Variants in PAK5 observed in about 807,000 individuals in gnomAD.
PAK5 encodes the protein p21 (RAC1) activated kinase 5, also known as serine/threonine-protein kinase PAK 5.
In PAK5, 16 loss-of-function variants were observed where a neutral mutation model predicts 65.9. That is an observed-to-expected ratio of 0.24 (90% confidence interval 0.16 to 0.37). The LOEUF is 0.37. Ranked by LOEUF, PAK5 falls within the 10% of genes least tolerant of loss-of-function variation. The pLI, the probability that PAK5 is intolerant of heterozygous loss-of-function variation, is 1.00. For synonymous variants in PAK5, 371 were observed against 354.9 expected, an observed-to-expected ratio of 1.05 and a Z score of -0.51; for missense variants, 785 against 903.9, an observed-to-expected ratio of 0.87 and a Z score of 1.69.
chr20:9,766,356 AAT>A (rs201007922), intron 1 of PAK5, among the ~76,000 whole-genome samples: 3,509 of 42,334 alleles, frequency 0.083, 731 homozygotes, highest in East Asian at 0.2. Flanking sequence ...TACTTACTTG[AAT>A]ATATATATAT....
intron 1 of PAK5, among the ~76,000 whole-genome samples, chr20:9,781,510 C>T (rs577199308): frequency 6.6e-6 from 1 of 152,258 alleles, no homozygotes; most frequent in South Asian, 2.1e-4. Flanking sequence ...GACATCTTTT[C>T]CCACACTGAG....
intron 2 of PAK5, among the ~76,000 whole-genome samples, chr20:9,702,173 G>C (rs2047948087): frequency 6.6e-6 from 1 of 152,102 alleles, no homozygotes; most frequent in Non-Finnish European, 1.5e-5. Context: ...GGAATATGAT[G>C]ATAACAACAC....
chr20:9,699,553 GT>G (rs34450464), intron 2 of PAK5, among the ~76,000 whole-genome samples: 15,358 of 138,502 alleles, frequency 0.11, 788 homozygotes, highest in Non-Finnish European at 0.13. Context: ...TTTGCTTCTT[GT>G]TTTTTTTTTT....
chr20:9,657,115 G>A (rs576404692), intron 2 of PAK5, among the ~76,000 whole-genome samples: 1 of 152,264 alleles, frequency 6.6e-6, no homozygotes, highest in South Asian at 2.1e-4. Context: ...CCACAAAGAT[G>A]TGCTATACTT....
intron 1 of PAK5, among the ~76,000 whole-genome samples, chr20:9,804,125 A>G (rs982905895): frequency 2.0e-5 from 3 of 152,110 alleles, no homozygotes; most frequent in African/African-American, 7.2e-5. Flanking sequence ...CTCAGGCCCT[A>G]ATTCAGACTT....
chr20:9,539,402 T>C lies in PAK5; in HGVS notation c.*60A>G. ...CTTTTGCATGTTCTGTGTTTCCTTT[T>C]GTTCTCCTGAATTATTCTCATGTCC... On this transcript the variant is annotated 3_prime_UTR_variant, in exon 10 of 10. Transcript: ENST00000353224. The C allele has an allele frequency of 6.5e-7, 1 of 1,533,762 alleles. No homozygotes were observed. The highest frequency in any genetic ancestry group is 9.0e-7 in the Non-Finnish European group (1 of 1,112,026).
At chr20:9,678,509 G>A (rs556221283) in intron 2 of PAK5, among the ~76,000 whole-genome samples, 2 of 152,220 alleles carry the variant, frequency 1.3e-5, no homozygotes, top group Non-Finnish European at 2.9e-5. Context: ...GGAGCTTGCA[G>A]TGAGCTGAGA....
chr20:9,685,054 T>G (rs539426079), intron 2 of PAK5, among the ~76,000 whole-genome samples: 9 of 152,360 alleles, frequency 5.9e-5, no homozygotes, highest in African/African-American at 2.2e-4. Flanking sequence ...TGAATATAGC[T>G]TGATTCTAAC....
intron 3 of PAK5, among the ~76,000 whole-genome samples, chr20:9,584,589 G>A (rs1207274813): frequency 6.6e-6 from 1 of 152,244 alleles, no homozygotes; most frequent in Non-Finnish European, 1.5e-5. Context: ...GGGATTACAG[G>A]CGTGAGCCAC....
intron 1 of PAK5, among the ~76,000 whole-genome samples, chr20:9,772,379 C>G (rs2048843049): frequency 6.6e-6 from 1 of 152,174 alleles, no homozygotes; most frequent in Non-Finnish European, 1.5e-5. Context: ...AAAGAAAAAA[C>G]AGAGTCAAAT....
intron 1 of PAK5, among the ~76,000 whole-genome samples, chr20:9,783,123 A>T (rs2048959503): frequency 6.6e-6 from 1 of 151,818 alleles, no homozygotes; most frequent in African/African-American, 2.4e-5. Context: ...TTTAGTAGAG[A>T]TGGGGTTTCT....
At chr20:9,545,022 A>T (rs1340654695) in intron 7 of PAK5, among the ~76,000 whole-genome samples, 1 of 152,158 alleles carries the variant, frequency 6.6e-6, no homozygotes, top group Non-Finnish European at 1.5e-5. Context: ...AGGATGTGGA[A>T]ATGTCACTTT....
At position 9,537,717 on chromosome 20, in the gene PAK5, G is replaced by A. The variant is rs2045193192; in HGVS notation, c.*1745C>T. 1 of 220,658 alleles carries A rather than the reference G, an allele frequency of 4.5e-6. No homozygotes were observed. Among genetic ancestry groups the A allele is most frequent in the Non-Finnish European group, 9.1e-6 (1 of 110,144 alleles). The allele number at this position is 220,658 out of a possible 1,614,324, so 13.7% of individuals were successfully genotyped here. A position where few individuals can be genotyped will look rare whatever the true frequency, so the allele number is the denominator to read the frequency against. The stretch of plus-strand genomic sequence containing the variant: ...GACTGCCATTTTCTGGATTTAGATT[G>A]TTTTTATTCTCACATATTTATATTA... On this transcript the variant is annotated 3_prime_UTR_variant, in exon 10 of 10. Transcript: ENST00000353224.
intron 4 of PAK5, among the ~76,000 whole-genome samples, chr20:9,569,948 G>A (rs968231009): frequency 6.7e-6 from 1 of 149,128 alleles, no homozygotes; most frequent in African/African-American, 2.6e-5. Context: ...TCCTGCCCTG[G>A]TTGCAGAGAG....
rs568140377 is a variant in PAK5 at position 9,550,040 on chromosome 20, ACT to A, written c.1744-5548_1744-5547del. On this transcript the variant is annotated intron_variant, in intron 7 of 9. Transcript: ENST00000353224. ...AAATTGATTGACACCTGTCTCAGAT[ACT>A]GTTTCGTTTTACACCAGCATGTAAA... Among the ~76,000 whole-genome samples, 32 of 152,286 alleles carry A rather than the reference ACT, an allele frequency of 2.1e-4. 1 individual carries two copies. The East Asian group carries it at 6.2e-3, about 29-fold the overall frequency.
At chr20:9,804,073 G>A (rs1166969623) in intron 1 of PAK5, among the ~76,000 whole-genome samples, 1 of 152,096 alleles carries the variant, frequency 6.6e-6, no homozygotes, top group Admixed American at 6.6e-5. Context: ...TGTAGTCTGT[G>A]GATCATCATC....
chr20:9,660,334 T>A (rs2047327669), intron 2 of PAK5, among the ~76,000 whole-genome samples: 1 of 151,316 alleles, frequency 6.6e-6, no homozygotes, highest in African/African-American at 2.4e-5. Context: ...TTATTTTAAT[T>A]TTCTCTCCTT....
intron 3 of PAK5, among the ~76,000 whole-genome samples, chr20:9,621,674 A>C (rs2046771091): frequency 6.6e-6 from 1 of 152,210 alleles, no homozygotes; most frequent in Non-Finnish European, 1.5e-5. Context: ...ACAGTCCTGC[A>C]GTTGACTTAG....
At chr20:9,756,658 T>C (rs562361266) in intron 1 of PAK5, among the ~76,000 whole-genome samples, 8 of 152,328 alleles carry the variant, frequency 5.3e-5, no homozygotes, top group Admixed American at 2.0e-4. Context: ...GGTTAAGAAA[T>C]ATATTATTAA....
Sources: allele counts gnomAD v4.1 joint callset (sites outside exome capture counted in the v4.1 genomes callset), GRCh38; gene constraint gnomAD v4.1.1; transcripts MANE v1.5; gene names NCBI Gene and HGNC (gene_info 2026-07-23, HGNC 2026-07-21).